The following CADM4 variants were observed in gnomAD, a reference collection of about 807,000 sequenced individuals.
CADM4 encodes the protein cell adhesion molecule 4.
Under a neutral mutation model 43.9 loss-of-function variants are expected in CADM4, and 13 were observed. The observed-to-expected ratio is 0.30, with a 90% CI of 0.19 to 0.47. The LOEUF (loss-of-function observed/expected upper bound fraction) is 0.47. Among genes scored for constraint, CADM4 ranks in the 20% least tolerant of loss-of-function variants. The pLI is 1.00. For missense variants in CADM4, 420 were observed against 527.0 expected (o/e 0.80, Z 1.99); for synonymous variants, 209 against 220.9 (o/e 0.95, Z 0.48).
At chr19:43,632,000 G>A (rs760938028) in intron 1 of CADM4, among the ~76,000 whole-genome samples, 23 of 152,242 alleles carry the variant, frequency 1.5e-4, no homozygotes, top group Admixed American at 7.8e-4. Flanking sequence ...TCAGCTTCAT[G>A]AGTAGCTGAA....
At chr19:43,628,663 G>A (rs764326223) in intron 1 of CADM4, among the ~76,000 whole-genome samples, 1 of 152,212 alleles carries the variant, frequency 6.6e-6, no homozygotes, top group Non-Finnish European at 1.5e-5. Flanking sequence ...AGCCTTGAGA[G>A]TTGCTTTGAC....
intron 1 of CADM4, among the ~76,000 whole-genome samples, chr19:43,638,935 G>C (rs1161781504): frequency 1.3e-5 from 2 of 152,176 alleles, no homozygotes; most frequent in African/African-American, 4.8e-5. Flanking sequence ...TCCCGGGATG[G>C]AGGCTGTAAG....
chr19:43,634,829 C>G (rs1026908620), intron 1 of CADM4, among the ~76,000 whole-genome samples: 2 of 151,452 alleles, frequency 1.3e-5, no homozygotes, highest in Admixed American at 6.6e-5. Context: ...TCTAGGCTCC[C>G]AGCCCCTCCT....
chr19:43,623,804 G>A lies in CADM4; in HGVS notation c.1057+310C>T, dbSNP rs1973478525. Among the ~76,000 whole-genome samples, 1 of 152,158 alleles carries A rather than the reference G, an allele frequency of 6.6e-6. No homozygotes were observed. ...AGTAGAAAAGGGGCTGCGCCATGGTGCCCAGGCTGGTCTCGACCTCCTAGC... is the reference window on the plus strand; with the variant it reads ...AGTAGAAAAGGGGCTGCGCCATGGTACCCAGGCTGGTCTCGACCTCCTAGC... On this transcript the variant is annotated intron_variant, in intron 8 of 8. Coordinates refer to ENST00000222374, the MANE Select transcript of CADM4 (RefSeq NM_145296.2). This position sits in a 1 kb window ranked among gnomAD's most constrained non-coding sequence, Gnocchi z 4.4.
rs1568538588 is a variant in CADM4, at chr19:43,622,519, G to A, written c.*811C>T. On this transcript the variant is annotated 3_prime_UTR_variant, in exon 9 of 9. Transcript: ENST00000222374. The stretch of plus-strand genomic sequence containing the variant: ...AGGGGGCAAAAGCCAGGAATGGGGA[G>A]AGGGGGGTGCAATCTGATATTTTCA... 2.0e-5 allele frequency: 3 copies of A among 152,294 alleles called. No homozygotes were observed. Among genetic ancestry groups the A allele is most frequent in the African/African-American group, 7.2e-5 (3 of 41,448 alleles). 9.4% of individuals were successfully genotyped at this position (152,294 alleles called of 1,614,324 possible).
At chr19:43,636,951 C>T (rs1474884568) in intron 1 of CADM4, among the ~76,000 whole-genome samples, 1 of 152,140 alleles carries the variant, frequency 6.6e-6, no homozygotes, top group African/African-American at 2.4e-5. Flanking sequence ...ACAACTGCCC[C>T]CTCCACAAGA....
chr19:43,627,356 T>C lies in CADM4; in HGVS notation c.212-38A>G. ...AGGGGGAAGGTGTGAATTTCGGGAG[T>C]CCTGGCCTCACAAGTCCCACCCTTC... On this transcript the variant is annotated intron_variant, in intron 2 of 8. Coordinates refer to ENST00000222374, the MANE Select transcript of CADM4 (RefSeq NM_145296.2). The surrounding 1 kb of genome is among the most constrained non-coding windows in gnomAD (Gnocchi z 4.0). The C allele has an allele frequency of 6.5e-7, 1 of 1,531,332 alleles. No homozygotes were observed. The highest frequency in any genetic ancestry group is 8.8e-7 in the Non-Finnish European group (1 of 1,135,332). 94.9% of individuals were successfully genotyped at this position (1,531,332 alleles called of 1,614,324 possible). A position where few individuals can be genotyped will look rare whatever the true frequency, so the allele number is the denominator to read the frequency against.
intron 1 of CADM4, among the ~76,000 whole-genome samples, chr19:43,637,371 G>T (rs139169425): frequency 9.1e-4 from 138 of 152,226 alleles, no homozygotes; most frequent in Non-Finnish European, 1.6e-3. Context: ...AGAGCAGGAA[G>T]GGCCCTCCAA....
upstream of CADM4, among the ~76,000 whole-genome samples, chr19:43,640,669 C>T (rs1973763495): frequency 6.6e-6 from 1 of 152,050 alleles, no homozygotes; most frequent in African/African-American, 2.4e-5. Context: ...GTCCCCTCTC[C>T]TCCCTGCTGT....
chr19:43,633,325 C>T (rs1050730448), intron 1 of CADM4, among the ~76,000 whole-genome samples: 84 of 152,260 alleles, frequency 5.5e-4, no homozygotes, highest in African/African-American at 1.8e-3. Flanking sequence ...CCTCCTGCCT[C>T]GGCTTCCCAA....
intron 1 of CADM4, among the ~76,000 whole-genome samples, chr19:43,637,637 G>A (rs1040042490): frequency 8.5e-5 from 13 of 152,168 alleles, no homozygotes; most frequent in South Asian, 2.1e-4. Flanking sequence ...GAAATCAAAC[G>A]AGGGACAGGG....
At position 43,624,212 on chromosome 19, in the gene CADM4, G is replaced by C; in HGVS notation, c.959C>G (p.Ser320Trp). Residue 320 changes from serine (S) to tryptophan (W), a missense_variant, in exon 8 of 9, where the codon TCG becomes TGG. Transcript: ENST00000222374. ...DPGAVVEAQT[S>W]VPYAIVGGIL... ...GCCGCCCACAATGGCATAGGGAACC[G>C]ACGTCTGAGCCTCTACCACCGCACC... 6.2e-7 allele frequency: 1 copy of C among 1,614,186 alleles called. No individual in the cohort carries two copies. The highest frequency in any genetic ancestry group is 8.5e-7 in the Non-Finnish European group (1 of 1,180,048).
chr19:43,640,334 A>G (rs1973760094), upstream of CADM4, among the ~76,000 whole-genome samples: 1 of 150,120 alleles, frequency 6.7e-6, no homozygotes, highest in Non-Finnish European at 1.5e-5. Context: ...GGTGAGTGTG[A>G]GAGGCGTGCT....
At chr19:43,635,244 G>T (rs1212559094) in intron 1 of CADM4, among the ~76,000 whole-genome samples, 1 of 151,992 alleles carries the variant, frequency 6.6e-6, no homozygotes, top group Admixed American at 6.6e-5. Context: ...CGCTCCCCAG[G>T]GGGCTCCTGG....
Position 43,626,867 on chromosome 19 carries a change from C to T in CADM4, c.416G>A (p.Gly139Asp). The T allele has an allele frequency of 6.2e-7, 1 of 1,609,542 alleles. No individual in the cohort carries two copies. Among genetic ancestry groups the T allele is most frequent in the South Asian group, 1.1e-5 (1 of 90,950 alleles). The change falls in exon 4 of 9, where the codon GGC becomes GAC. Residue 139 changes from glycine (G) to aspartate (D), a missense_variant. Gly to Asp is a moderately conservative substitution (Grantham distance 94). Transcript: ENST00000222374. This position sits in a 1 kb window ranked among gnomAD's most constrained non-coding sequence, Gnocchi z 5.9. ...AACGAGGCAGCTGAGCTCCACCTCG[C>T]CGCCCTCTACCGCCTGCTCCCGGAC... ...VEVREQAVEG[G>D]EVELSCLVPR...
rs1899699463 is a variant in CADM4, at chr19:43,627,861, T to A, written c.65-71A>T. ...TGCAATTCAATTTTTTCTTTCTCCCTCTTCCCCATCCAAACCTCCAATCCC... is the reference window on the plus strand; with the variant it reads ...TGCAATTCAATTTTTTCTTTCTCCCACTTCCCCATCCAAACCTCCAATCCC... On this transcript the variant is annotated intron_variant, in intron 1 of 8. Coordinates refer to ENST00000222374, the MANE Select transcript of CADM4 (RefSeq NM_145296.2). This position sits in a 1 kb window ranked among gnomAD's most constrained non-coding sequence, Gnocchi z 4.0. The A allele has an allele frequency of 1.4e-6, 2 of 1,473,262 alleles. No individual in the cohort carries two copies. The highest frequency in any genetic ancestry group is 3.6e-5 in the Admixed American group (2 of 56,210). 91.3% of individuals were successfully genotyped at this position (1,473,262 alleles called of 1,614,324 possible). A position where few individuals can be genotyped will look rare whatever the true frequency, so the allele number is the denominator to read the frequency against.
Position 43,627,156 on chromosome 19 carries a change from A to G in CADM4, c.364+10T>C, listed in dbSNP as rs1185110979. On this transcript the variant is annotated intron_variant, in intron 3 of 8. Transcript: ENST00000222374. The surrounding 1 kb of genome is among the most constrained non-coding windows in gnomAD (Gnocchi z 4.0). ...GGAGAGGATGCGTCTGACAAGGGGG[A>G]GGGCGTTACCTAGTACCGTGAGCGT... 3.2e-6 allele frequency: 5 copies of G among 1,553,686 alleles called. No individual in the cohort carries two copies. Among genetic ancestry groups the G allele is most frequent in the Admixed American group, 1.9e-5 (1 of 52,258 alleles).
At chr19:43,625,000 G>A (rs978731832) in intron 7 of CADM4, 78 bp downstream of exon 7, 4 of 1,416,220 alleles carry the variant, frequency 2.8e-6, no homozygotes, top group African/African-American at 2.9e-5. Flanking sequence ...CCTGAGTTAT[G>A]TGGCCTCTTT....
chr19:43,628,873 C>T (rs1441309446), intron 1 of CADM4, among the ~76,000 whole-genome samples: 1 of 152,224 alleles, frequency 6.6e-6, no homozygotes, highest in African/African-American at 2.4e-5. Flanking sequence ...CATCCAGCCC[C>T]AGCTGCCCCA....
Sources: allele counts gnomAD v4.1 joint callset (sites outside exome capture counted in the v4.1 genomes callset), GRCh38; gene constraint gnomAD v4.1.1; non-coding constraint Gnocchi (gnomAD v3.1); transcripts MANE v1.5; gene names NCBI Gene and HGNC (gene_info 2026-07-23, HGNC 2026-07-21).